The following ATRNL1 variants were observed in gnomAD, a reference collection of about 807,000 sequenced individuals.
ATRNL1 encodes attractin-like protein 1.
ATRNL1 carries 95 observed loss-of-function variants against 182.7 expected under a neutral mutation model. The ratio of observed to expected loss-of-function variants is 0.52; its 90% CI spans 0.44 to 0.62. ATRNL1 has a LOEUF of 0.62. Ranked by LOEUF, ATRNL1 falls within the 20% of genes least tolerant of loss-of-function variation. The pLI, the probability that ATRNL1 is intolerant of heterozygous loss-of-function variation, is 0.00. For missense variants in ATRNL1, 1,471 were observed against 1,679.5 expected, an observed-to-expected ratio of 0.88 and a Z score of 2.17; for synonymous variants, 576 against 568.3, an observed-to-expected ratio of 1.01 and a Z score of -0.19.
At chr10:115,404,478 A>G (rs2134314309) in intron 20 of ATRNL1, among the ~76,000 whole-genome samples, 1 of 152,320 alleles carries the variant, frequency 6.6e-6, no homozygotes, top group African/African-American at 2.4e-5. Context: ...GAGGCTAGGA[A>G]TAGCCCAGAT....
intron 26 of ATRNL1, among the ~76,000 whole-genome samples, chr10:115,658,164 C>T (rs555266160): frequency 8.5e-5 from 11 of 128,884 alleles, no homozygotes; most frequent in East Asian, 2.3e-4. Context: ...GGCGCAATTT[C>T]GGCTCACTGC....
At chr10:115,786,586 T>G (rs1171687143) in intron 27 of ATRNL1, among the ~76,000 whole-genome samples, 2 of 152,224 alleles carry the variant, frequency 1.3e-5, no homozygotes, top group Non-Finnish European at 2.9e-5. Context: ...TCATTGGATT[T>G]AAGGCTCATC....
At chr10:115,550,385 C>T (rs1263042626) in intron 26 of ATRNL1, among the ~76,000 whole-genome samples, 2 of 151,562 alleles carry the variant, frequency 1.3e-5, no homozygotes, top group African/African-American at 2.4e-5. Context: ...CTTTTTTCCA[C>T]ATAAAAAATA....
intron 20 of ATRNL1, among the ~76,000 whole-genome samples, chr10:115,403,324 C>T (rs1456485546): frequency 7.7e-6 from 1 of 130,314 alleles, no homozygotes; most frequent in Non-Finnish European, 1.5e-5. Flanking sequence ...GTGACTTAAT[C>T]TACATTGTTA....
intron 3 of ATRNL1, among the ~76,000 whole-genome samples, chr10:115,126,294 G>A (rs1169946465): frequency 1.3e-5 from 2 of 152,064 alleles, no homozygotes; most frequent in Non-Finnish European, 2.9e-5. Context: ...TCTTGACCTC[G>A]TTATCCGCCT....
chr10:115,642,150 G>T (rs958687228), intron 26 of ATRNL1, among the ~76,000 whole-genome samples: 5 of 151,904 alleles, frequency 3.3e-5, no homozygotes, highest in African/African-American at 1.2e-4. Flanking sequence ...TGTTAGCAAG[G>T]GTAGCACATA....
chr10:115,893,784 A>G (rs1952138074), intron 28 of ATRNL1, among the ~76,000 whole-genome samples: 1 of 152,190 alleles, frequency 6.6e-6, no homozygotes, highest in Non-Finnish European at 1.5e-5. Context: ...CTACTTCCAT[A>G]GGACCCCCAC....
chr10:115,717,473 G>C (rs190258927), intron 26 of ATRNL1, among the ~76,000 whole-genome samples: 4 of 148,724 alleles, frequency 2.7e-5, no homozygotes, highest in Admixed American at 2.0e-4. Flanking sequence ...GCTTCTTTCT[G>C]TCTGTTTCTT....
At chr10:115,615,658 A>G (rs1857390475) in intron 26 of ATRNL1, among the ~76,000 whole-genome samples, 1 of 152,060 alleles carries the variant, frequency 6.6e-6, no homozygotes, top group Admixed American at 6.6e-5. Flanking sequence ...CATACTCGTG[A>G]TAGTGAGTAC....
At chr10:115,111,032 A>G (rs762861123) in intron 1 of ATRNL1, among the ~76,000 whole-genome samples, 50 of 152,200 alleles carry the variant, frequency 3.3e-4, no homozygotes, top group Non-Finnish European at 6.5e-4. Flanking sequence ...CTTCCAGTCT[A>G]CCATTTGAGC....
intron 26 of ATRNL1, among the ~76,000 whole-genome samples, chr10:115,706,009 A>T (rs963497183): frequency 6.6e-6 from 1 of 151,968 alleles, no homozygotes; most frequent in Admixed American, 6.6e-5. Flanking sequence ...TCTTCCACTT[A>T]GCTGTCATAT....
chr10:115,191,786 C>G (rs1418593340), intron 8 of ATRNL1, among the ~76,000 whole-genome samples: 1 of 152,076 alleles, frequency 6.6e-6, no homozygotes, highest in Admixed American at 6.6e-5. Context: ...TCCCTGAGGC[C>G]TCCTCAGCCA....
chr10:115,362,620 C>G (rs1300519073), intron 19 of ATRNL1, among the ~76,000 whole-genome samples: 3 of 151,792 alleles, frequency 2.0e-5, no homozygotes, highest in Non-Finnish European at 4.4e-5. Context: ...GCTGCACCCA[C>G]TAACTCGTCA....
At chr10:115,366,296 C>A (rs1328875734) in intron 19 of ATRNL1, among the ~76,000 whole-genome samples, 1 of 151,674 alleles carries the variant, frequency 6.6e-6, no homozygotes, top group African/African-American at 2.4e-5. Flanking sequence ...CTCTTTTGAT[C>A]TTTGTTGGTT....
intron 16 of ATRNL1, among the ~76,000 whole-genome samples, chr10:115,300,597 C>T (rs1032811592): frequency 3.9e-5 from 6 of 152,116 alleles, no homozygotes; most frequent in Admixed American, 1.3e-4. Context: ...TCCTTTTACT[C>T]TTGTAGACAT....
chr10:115,313,106 C>T (rs1466565940), intron 17 of ATRNL1, among the ~76,000 whole-genome samples: 3 of 151,884 alleles, frequency 2.0e-5, no homozygotes, highest in Non-Finnish European at 4.4e-5. Context: ...TAGTAGTCAA[C>T]CTTCTGAATT....
intron 26 of ATRNL1, among the ~76,000 whole-genome samples, chr10:115,696,022 C>G (rs996914595): frequency 1.3e-5 from 2 of 152,038 alleles, no homozygotes; most frequent in Admixed American, 6.5e-5. Context: ...CCTCAGCCTC[C>G]TGAGTAGCTG....
At chr10:115,910,242 T>C (rs1475353418) in intron 28 of ATRNL1, among the ~76,000 whole-genome samples, 2 of 152,198 alleles carry the variant, frequency 1.3e-5, no homozygotes, top group African/African-American at 4.8e-5. Context: ...GGGCTGCTGC[T>C]ACCACATTCT....
chr10:115,226,711 A>G (rs933426244), intron 9 of ATRNL1, among the ~76,000 whole-genome samples: 32 of 152,188 alleles, frequency 2.1e-4, no homozygotes, highest in African/African-American at 7.5e-4. Flanking sequence ...AAACAGCATG[A>G]TACAGGTAGA....
Sources: gnomAD v4.1 joint callset for allele counts (sites outside exome capture counted in the v4.1 genomes callset) on GRCh38, gnomAD v4.1.1 for gene constraint, MANE v1.5 for transcripts, NCBI Gene and HGNC (gene_info 2026-07-23, HGNC 2026-07-21) for gene names.